DYM: variants seen among roughly 807,000 people sequenced by gnomAD.
DYM encodes dyggve-Melchior-Clausen syndrome protein.
In DYM, 78 loss-of-function variants were observed where a neutral mutation model predicts 93.1. The observed-to-expected ratio is 0.84, with a 90% CI of 0.70 to 1.01. The LOEUF (loss-of-function observed/expected upper bound fraction) is 1.01. Ranked by LOEUF, DYM falls within the 50% of genes least tolerant of loss-of-function variation. DYM has a pLI of 0.00. For synonymous variants in DYM, 321 were observed against 319.7 expected, an observed-to-expected ratio of 1.00 and a Z score of -0.04; for missense variants, 789 against 845.0, an observed-to-expected ratio of 0.93 and a Z score of 0.82.
intron 6 of DYM, among the ~76,000 whole-genome samples, chr18:49,334,680 T>A (rs2063539586): frequency 6.6e-6 from 1 of 152,102 alleles, no homozygotes; most frequent in African/African-American, 2.4e-5. Context: ...ATGAAATAAT[T>A]ATGAAAAACA....
At chr18:49,213,344 T>G (rs376447633) in intron 13 of DYM, among the ~76,000 whole-genome samples, 1 of 151,440 alleles carries the variant, frequency 6.6e-6, no homozygotes, top group South Asian at 2.1e-4. Context: ...TTGCCTAGAC[T>G]GGAGTGCAAT....
At chr18:49,150,149 A>T (rs1231021694) in intron 15 of DYM, among the ~76,000 whole-genome samples, 1 of 152,222 alleles carries the variant, frequency 6.6e-6, no homozygotes, top group Non-Finnish European at 1.5e-5. Context: ...GTTACTTCAC[A>T]TAGAGGTTTA....
chr18:49,183,439 G>A (rs1885712928), intron 14 of DYM, among the ~76,000 whole-genome samples: 1 of 151,892 alleles, frequency 6.6e-6, no homozygotes, highest in Non-Finnish European at 1.5e-5. Flanking sequence ...CATCATTCCT[G>A]CACACTCCAT....
At chr18:49,118,279 C>G (rs1278850183) in intron 16 of DYM, among the ~76,000 whole-genome samples, 1 of 151,888 alleles carries the variant, frequency 6.6e-6, no homozygotes, top group African/African-American at 2.4e-5. Context: ...AAAATTCCAG[C>G]TTTAAAACCA....
At chr18:49,063,802 T>C (rs2076183576) in intron 17 of DYM, among the ~76,000 whole-genome samples, 1 of 152,074 alleles carries the variant, frequency 6.6e-6, no homozygotes, top group Non-Finnish European at 1.5e-5. Flanking sequence ...AACTTTTTTG[T>C]ATTTTTTGTA....
intron 11 of DYM, among the ~76,000 whole-genome samples, chr18:49,263,666 T>C (rs1367087377): frequency 6.9e-6 from 1 of 144,654 alleles, no homozygotes. Flanking sequence ...GAGGTGGAGG[T>C]TGCACCAAGC....
chr18:49,374,440 C>A (rs1028749168), intron 5 of DYM, among the ~76,000 whole-genome samples: 1 of 152,140 alleles, frequency 6.6e-6, no homozygotes, highest in African/African-American at 2.4e-5. Flanking sequence ...GAGAAAGAGA[C>A]AGAAAATGTA....
At chr18:49,072,256 G>C (rs1038107547) in intron 17 of DYM, among the ~76,000 whole-genome samples, 3 of 151,928 alleles carry the variant, frequency 2.0e-5, no homozygotes, top group Non-Finnish European at 2.9e-5. Flanking sequence ...ATGATCTCTG[G>C]TCTAAGTTAC....
chr18:49,308,041 T>A (rs1319774977), intron 8 of DYM, among the ~76,000 whole-genome samples: 1 of 152,132 alleles, frequency 6.6e-6, no homozygotes, highest in Non-Finnish European at 1.5e-5. Context: ...TATTCTCTAA[T>A]GACAAAATAA....
chr18:49,232,086 G>A (rs1207733416), intron 13 of DYM, among the ~76,000 whole-genome samples: 2 of 151,854 alleles, frequency 1.3e-5, no homozygotes, highest in Non-Finnish European at 1.5e-5. Context: ...TGATTTTCAT[G>A]TTCCCCTGCC....
At chr18:49,162,285 A>G (rs1303215625) in intron 15 of DYM, among the ~76,000 whole-genome samples, 2 of 152,178 alleles carry the variant, frequency 1.3e-5, no homozygotes, top group Non-Finnish European at 2.9e-5. Context: ...TAATTTATAA[A>G]GAAAAAGGAA....
At chr18:49,061,158 A>G (rs1568357538) in intron 17 of DYM, among the ~76,000 whole-genome samples, 1 of 150,312 alleles carries the variant, frequency 6.7e-6, no homozygotes, top group Non-Finnish European at 1.5e-5. Context: ...TAACTATCAG[A>G]CAAGATAGGA....
chr18:49,319,202 T>C (rs1197379396), intron 8 of DYM, among the ~76,000 whole-genome samples: 1 of 152,238 alleles, frequency 6.6e-6, no homozygotes, highest in African/African-American at 2.4e-5. Context: ...TTAAAGCTAA[T>C]ATCTGCTAGT....
intron 8 of DYM, among the ~76,000 whole-genome samples, chr18:49,304,474 G>C (rs1162877842): frequency 6.6e-6 from 1 of 152,078 alleles, no homozygotes; most frequent in Non-Finnish European, 1.5e-5. Flanking sequence ...ATTTTCATTA[G>C]GAAAAAACCT....
chr18:49,436,499 T>C (rs1425092834), intron 1 of DYM, among the ~76,000 whole-genome samples: 1 of 152,188 alleles, frequency 6.6e-6, no homozygotes, highest in East Asian at 1.9e-4. Context: ...TAGCCAAAGC[T>C]TTCAAATTAT....
intron 10 of DYM, among the ~76,000 whole-genome samples, chr18:49,274,719 C>A (rs2094806166): frequency 6.6e-6 from 1 of 152,100 alleles, no homozygotes; most frequent in South Asian, 2.1e-4. Context: ...TTTACACTTA[C>A]CTGATGACTA....
intron 14 of DYM, among the ~76,000 whole-genome samples, chr18:49,174,237 G>GATA (rs5824779): frequency 0.99 from 151,428 of 152,202 alleles, 75,339 homozygotes; most frequent in Middle Eastern, 1. Flanking sequence ...TGATGATGTA[G>GATA]ATAAGAATGA....
intron 2 of DYM, among the ~76,000 whole-genome samples, chr18:49,420,087 G>C (rs548277694): frequency 6.6e-6 from 1 of 151,204 alleles, no homozygotes. Context: ...GATCTCAGAA[G>C]CAAGAATAAG....
intron 13 of DYM, among the ~76,000 whole-genome samples, chr18:49,210,208 A>G (rs180690333): frequency 6.6e-6 from 1 of 152,360 alleles, no homozygotes; most frequent in African/African-American, 2.4e-5. Context: ...TGCTCTTTAG[A>G]ATTTATCCAA....
Sources: allele counts gnomAD v4.1 joint callset (sites outside exome capture counted in the v4.1 genomes callset), GRCh38; gene constraint gnomAD v4.1.1; transcripts MANE v1.5; gene names NCBI Gene and HGNC (gene_info 2026-07-23, HGNC 2026-07-21).